The following CEP120 variants were observed in gnomAD, a reference collection of about 807,000 sequenced individuals.
CEP120 encodes centrosomal protein of 120 kDa.
Under a neutral mutation model 126.5 loss-of-function variants are expected in CEP120, and 113 were observed. The observed-to-expected ratio is 0.89, with a 90% CI of 0.77 to 1.04. The LOEUF is 1.04. Ranked by LOEUF, CEP120 falls within the 50% of genes least tolerant of loss-of-function variation. The pLI is 0.00. For missense variants in CEP120, 1,230 were observed against 1,155.7 expected, an observed-to-expected ratio of 1.06 and a Z score of -0.93; for synonymous variants, 400 against 394.3, an observed-to-expected ratio of 1.01 and a Z score of -0.17.
intron 5 of CEP120, among the ~76,000 whole-genome samples, chr5:123,397,588 G>T (rs897030914): frequency 5.9e-5 from 9 of 152,302 alleles, no homozygotes; most frequent in Admixed American, 2.0e-4. Context: ...GAAATTTACA[G>T]TACCAAATAA....
intron 9 of CEP120, 136 bp from the exon 10 acceptor site, chr5:123,386,803 C>T (rs893897335): frequency 4.2e-5 from 26 of 621,428 alleles, no homozygotes; most frequent in Non-Finnish European, 6.0e-5. Context: ...ACATGGTAGA[C>T]ATAGCAATCT....
intron 9 of CEP120, 67 bp from the exon 10 acceptor site, chr5:123,386,734 T>C: frequency 8.2e-7 from 1 of 1,214,658 alleles, no homozygotes; most frequent in Non-Finnish European, 1.1e-6. Flanking sequence ...ACATTCAGTC[T>C]GTTTTTTAGA....
chr5:123,377,398 C>G lies in CEP120; in HGVS notation c.2334G>C (p.Glu778Asp), dbSNP rs139865050. The change falls in exon 16 of 20, where the codon GAG (glutamate) becomes GAC (aspartate). Residue 778 changes from glutamate (E) to aspartate (D), a missense_variant. Coordinates refer to ENST00000306467, the MANE Select transcript of CEP120 (RefSeq NM_001375405.1). ...LERLKIKQLE[E>D]DKHRLQQQLN... ...CCTGTTGCTGAAGGCGGTGTTTATC[C>G]TCTTCGAGCTGTTTGATTTTTAACC... 2.7e-5 allele frequency: 44 copies of G among 1,609,200 alleles called. No homozygotes were observed. The African/African-American group carries it at 5.5e-4, about 20-fold the overall frequency.
chr5:123,418,274 G>A, intron 2 of CEP120, 85 bp downstream of exon 2: 1 of 1,253,870 alleles, frequency 8.0e-7, no homozygotes. Flanking sequence ...CTGGTCCCAA[G>A]TATTAAATAC....
At chr5:123,371,284 C>T (rs891273617) in intron 17 of CEP120, among the ~76,000 whole-genome samples, 4 of 152,160 alleles carry the variant, frequency 2.6e-5, no homozygotes, top group South Asian at 2.1e-4. Flanking sequence ...CACAGTTCCA[C>T]GTGGCTGGGG....
At chr5:123,402,504 C>G (rs989671512) in intron 4 of CEP120, among the ~76,000 whole-genome samples, 6 of 152,120 alleles carry the variant, frequency 3.9e-5, no homozygotes, top group Non-Finnish European at 7.4e-5. Flanking sequence ...TCTGCCCCCC[C>G]GGATTCAAGC....
At chr5:123,400,122 C>T (rs1238089965) in intron 4 of CEP120, among the ~76,000 whole-genome samples, 1 of 152,178 alleles carries the variant, frequency 6.6e-6, no homozygotes, top group African/African-American at 2.4e-5. Context: ...ACGAGCAATC[C>T]TTCTTCTAGG....
At chr5:123,388,302 A>T in intron 9 of CEP120, 130 bp downstream of exon 9, 1 of 541,842 alleles carries the variant, frequency 1.8e-6, no homozygotes, top group Non-Finnish European at 3.1e-6. Context: ...ATATAGCCTT[A>T]CCCCCTTTTA....
intron 4 of CEP120, chr5:123,401,516 G>T (rs1313021073): frequency 1.6e-6 from 2 of 1,280,870 alleles, no homozygotes; most frequent in Admixed American, 1.7e-5. Context: ...CTCAGCCTCG[G>T]CCTGGCTGCG....
rs150834194 is a variant in CEP120, at chr5:123,412,959, C to G, written c.322-419G>C. ...CTTTCTGCCATAGACCTGCTTCGTT[C>G]TGCTTATATCAATAAGCATAGGAAA... On this transcript the variant is annotated intron_variant, in intron 3 of 19. Transcript: ENST00000306467. Among the ~76,000 whole-genome samples, 99 of 152,226 alleles carry G rather than the reference C, an allele frequency of 6.5e-4. 1 individual carries two copies. Among genetic ancestry groups the G allele is most frequent in the African/African-American group, 2.3e-3 (97 of 41,550 alleles).
intron 4 of CEP120, chr5:123,402,074 C>T: frequency 1.3e-6 from 2 of 1,588,492 alleles, no homozygotes; most frequent in East Asian, 2.2e-5. Flanking sequence ...GCTCCTTCTC[C>T]TGGGTGCACA....
In CEP120 at chr5:123,393,465, T is replaced by C; in HGVS notation, c.645A>G (p.Arg215=). Residue 215 remains arginine (R), a synonymous_variant, in exon 6 of 20, where the codon AGA becomes AGG. Transcript: ENST00000306467. ...LIPCTMKLPE[R]QPEFFFYYSL... The stretch of plus-strand genomic sequence containing the variant: ...AGTAGTAAAAGAAAAACTCAGGCTG[T>C]CTTTCTGGAAGTTTCATGGTACATG... 1 of 1,614,082 alleles carries C rather than the reference T, an allele frequency of 6.2e-7. No individual in the cohort carries two copies. Among genetic ancestry groups the C allele is most frequent in the Non-Finnish European group, 8.5e-7 (1 of 1,179,968 alleles).
intron 2 of CEP120, among the ~76,000 whole-genome samples, chr5:123,418,082 C>T (rs765104425): frequency 3.3e-5 from 5 of 152,094 alleles, no homozygotes; most frequent in African/African-American, 7.2e-5. Context: ...ATGCCACAAA[C>T]GGAAAATTCC....
intron 4 of CEP120, among the ~76,000 whole-genome samples, chr5:123,409,670 A>T (rs1017815944): frequency 7.2e-5 from 11 of 152,196 alleles, no homozygotes; most frequent in East Asian, 3.8e-4. Context: ...AAAGAATTTT[A>T]AAAAAGGCCA....
rs1294714566 is a variant in CEP120, at chr5:123,393,456, C to G, written c.654G>C (p.Glu218Asp). The G allele has an allele frequency of 6.2e-7, 1 of 1,614,002 alleles. No homozygotes were observed. The highest frequency in any genetic ancestry group is 8.5e-7 in the Non-Finnish European group (1 of 1,180,008). Residue 218 changes from glutamate (E) to aspartate (D), a missense_variant, in exon 6 of 20, where the codon GAG becomes GAC. Physicochemically the swap from Glu to Asp is conservative, Grantham distance 45. Transcript: ENST00000306467. ...CCAGTAAAGAGTAGTAAAAGAAAAA[C>G]TCAGGCTGTCTTTCTGGAAGTTTCA... is the stretch of plus-strand genomic sequence containing the variant. ...CTMKLPERQP[E>D]FFFYYSLLGN...
intron 5 of CEP120, among the ~76,000 whole-genome samples, chr5:123,397,440 A>C (rs1772861923): frequency 6.6e-6 from 1 of 152,246 alleles, no homozygotes; most frequent in Non-Finnish European, 1.5e-5. Flanking sequence ...GTGGTTAATA[A>C]ATAAAAAGGC....
chr5:123,401,660 T>G, intron 4 of CEP120: 1 of 1,422,886 alleles, frequency 7.0e-7, no homozygotes, highest in Admixed American at 1.7e-5. Context: ...CTCCTCTTCA[T>G]ACAGCTGCCT....
At chr5:123,381,934 A>C (rs1457556705) in intron 14 of CEP120, among the ~76,000 whole-genome samples, 177 bp downstream of exon 14, 1 of 152,010 alleles carries the variant, frequency 6.6e-6, no homozygotes, top group Non-Finnish European at 1.5e-5. Flanking sequence ...CCAAAAGCAC[A>C]AAATACTTTA....
chr5:123,388,704 A>C, intron 8 of CEP120, 98 bp from the exon 9 acceptor site: 1 of 969,838 alleles, frequency 1.0e-6, no homozygotes, highest in Non-Finnish European at 1.4e-6. Context: ...TTTACCTTTA[A>C]GCAGGAATTG....
Sources: allele counts gnomAD v4.1 joint callset (sites outside exome capture counted in the v4.1 genomes callset), GRCh38; gene constraint gnomAD v4.1.1; transcripts MANE v1.5; gene names NCBI Gene and HGNC (gene_info 2026-07-23, HGNC 2026-07-21).